The following CEP162 variants were observed in gnomAD, a reference collection of about 807,000 sequenced individuals.
CEP162 encodes centrosomal protein 162, also known as centrosomal protein of 162 kDa.
In CEP162, 141 loss-of-function variants were observed where a neutral mutation model predicts 169.2. That is an observed-to-expected ratio of 0.83 (90% confidence interval 0.73 to 0.96). The LOEUF is 0.96. Ranked by LOEUF, CEP162 falls within the 40% of genes least tolerant of loss-of-function variation. CEP162 has a pLI of 0.00. For missense variants in CEP162, 1,600 were observed against 1,587.2 expected (o/e 1.01, Z -0.14); for synonymous variants, 540 against 526.4 (o/e 1.03, Z -0.35).
chr6:84,133,500 C>T (rs932298398), intron 25 of CEP162, among the ~76,000 whole-genome samples: 6 of 152,144 alleles, frequency 3.9e-5, no homozygotes, highest in East Asian at 3.9e-4. Context: ...CCTTGAGTTG[C>T]GGTGGGCTCC....
chr6:84,189,322 T>A (rs1461846567), intron 11 of CEP162, among the ~76,000 whole-genome samples: 1 of 152,124 alleles, frequency 6.6e-6, no homozygotes, highest in African/African-American at 2.4e-5. Flanking sequence ...CTTTCTGGGC[T>A]GGCCAAGGCC....
At chr6:84,173,965 A>T in intron 16 of CEP162, 83 bp downstream of exon 16, 1 of 1,193,934 alleles carries the variant, frequency 8.4e-7, no homozygotes, top group Non-Finnish European at 1.2e-6. Context: ...GATTACAGGC[A>T]TAAGCCACTG....
In CEP162 at chr6:84,124,989, T is replaced by C. The variant is rs2129181395; in HGVS notation, c.*81A>G. On this transcript the variant is annotated 3_prime_UTR_variant, in exon 27 of 27. Transcript: ENST00000403245. ...TGGAAACATATTGGAACACTTGTTT[T>C]TCATAAGCTGTCCTGACAGTGGCAC... 1 of 1,050,272 alleles carries C rather than the reference T, an allele frequency of 9.5e-7. No individual in the cohort carries two copies. The highest frequency in any genetic ancestry group is 2.5e-5 in the East Asian group (1 of 39,416). The allele number at this position is 1,050,272 out of a possible 1,614,324, so 65.1% of individuals were successfully genotyped here.
In CEP162 at chr6:84,135,633, C is replaced by T. The variant is rs568579223; in HGVS notation, c.3871-9121G>A. 1.1e-4 allele frequency among the ~76,000 whole-genome samples: 17 copies of T among 152,228 alleles called. No homozygotes were observed. In the East Asian group the frequency reaches 1.5e-3, roughly 14 times the overall value. ...ATCCCAGCTCTTTGGGAGGCTGAGACGGGTGAATCACTTGAGGTCAGGGGT... is the reference window on the plus strand; with the variant it reads ...ATCCCAGCTCTTTGGGAGGCTGAGATGGGTGAATCACTTGAGGTCAGGGGT... On this transcript the variant is annotated intron_variant, in intron 25 of 26. Coordinates refer to ENST00000403245, the MANE Select transcript of CEP162 (RefSeq NM_014895.4).
intron 2 of CEP162, among the ~76,000 whole-genome samples, chr6:84,224,949 A>G (rs1208591943): frequency 6.6e-6 from 1 of 152,242 alleles, no homozygotes; most frequent in East Asian, 1.9e-4. Flanking sequence ...AACTTATTCC[A>G]AGTGCCTATT....
chr6:84,165,372 C>T (rs1372266876), intron 18 of CEP162, among the ~76,000 whole-genome samples: 1 of 152,018 alleles, frequency 6.6e-6, no homozygotes, highest in Non-Finnish European at 1.5e-5. Flanking sequence ...CTATACTACT[C>T]TCAGAGGTCA....
In CEP162 at chr6:84,215,386, T is replaced by C. The variant is rs981300283; in HGVS notation, c.399A>G (p.Gln133=). Residue 133 remains glutamine (Q), a synonymous_variant, in exon 5 of 27, where the codon CAA becomes CAG. Coordinates refer to ENST00000403245, the MANE Select transcript of CEP162 (RefSeq NM_014895.4). ...AGCCTTTCTCAAGCCTGGCAAAAAA[T>C]TGTTCTTTCTCCTCTTGTTCTTCTA... ...DTLEEQEEKE[Q]FFARLEKGLT... 11 of 1,609,484 alleles carry C rather than the reference T, an allele frequency of 6.8e-6. No homozygotes were observed. The highest frequency in any genetic ancestry group is 7.6e-6 in the Non-Finnish European group (9 of 1,177,426).
At chr6:84,129,340 C>A (rs1013750439) in intron 25 of CEP162, among the ~76,000 whole-genome samples, 1 of 152,188 alleles carries the variant, frequency 6.6e-6, no homozygotes, top group Non-Finnish European at 1.5e-5. Flanking sequence ...TCTCCGCATC[C>A]TCTCCAGCAT....
chr6:84,182,857 C>G (rs547398937), intron 13 of CEP162, among the ~76,000 whole-genome samples: 1 of 152,102 alleles, frequency 6.6e-6, no homozygotes, highest in Non-Finnish European at 1.5e-5. Flanking sequence ...GGTAGTTGGG[C>G]TTTTTCTTCA....
At position 84,178,678 on chromosome 6, in the gene CEP162, T is replaced by G. The variant is rs150139555; in HGVS notation, c.1664-3331A>C. On this transcript the variant is annotated intron_variant, in intron 13 of 26. Coordinates refer to ENST00000403245, the MANE Select transcript of CEP162 (RefSeq NM_014895.4). Reference sequence around the variant, plus strand: ...ATCTCCTTTTCTTTTTTAAATTTTTTATTTAAGTTCTAGGGTACATGTGCA... The same window carrying G: ...ATCTCCTTTTCTTTTTTAAATTTTTGATTTAAGTTCTAGGGTACATGTGCA... Among the ~76,000 whole-genome samples the G allele has an allele frequency of 8.3e-4, 126 of 152,252 alleles. No individual in the cohort carries two copies. In the East Asian group the frequency reaches 0.022, roughly 26 times the overall value.
rs1482097634 is a variant in CEP162 at position 84,174,925 on chromosome 6, C to T, written c.1827G>A (p.Lys609=). Residue 609 remains lysine (K), a synonymous_variant, in exon 15 of 27, where the codon AAG becomes AAA. Coordinates refer to ENST00000403245, the MANE Select transcript of CEP162 (RefSeq NM_014895.4). Reference sequence around the variant, plus strand: ...TTTTAAACATAAGTAATTTCTTCTCCTTGTTCTCACCACAGTATCCTAAGG... The same window carrying T: ...TTTTAAACATAAGTAATTTCTTCTCTTTGTTCTCACCACAGTATCCTAAGG... ...TDSLGYCGEN[K]EKKLLMFKRV... 1 of 1,590,772 alleles carries T rather than the reference C, an allele frequency of 6.3e-7. No individual in the cohort carries two copies. The highest frequency in any genetic ancestry group is 1.3e-5 in the African/African-American group (1 of 74,410).
chr6:84,178,864 A>G (rs1490450803), intron 13 of CEP162, among the ~76,000 whole-genome samples: 1 of 151,958 alleles, frequency 6.6e-6, no homozygotes, highest in Non-Finnish European at 1.5e-5. Context: ...CCTGTGTCCA[A>G]GTGTTCTCAT....
chr6:84,124,363 A>G lies in CEP162; in HGVS notation c.*707T>C, dbSNP rs563917925. The G allele has an allele frequency of 6.6e-6, 1 of 152,316 alleles. No individual in the cohort carries two copies. The highest frequency in any genetic ancestry group is 1.9e-4 in the East Asian group (1 of 5,186). 9.4% of individuals were successfully genotyped at this position (152,316 alleles called of 1,614,324 possible). ...AAGAAAACGTGAGATATATATAGAG[A>G]GAGATATATAAATGGAGTATTATGC... On this transcript the variant is annotated 3_prime_UTR_variant, in exon 27 of 27. Transcript: ENST00000403245.
chr6:84,154,218 G>A (rs1367033688), intron 22 of CEP162, among the ~76,000 whole-genome samples: 1 of 152,102 alleles, frequency 6.6e-6, no homozygotes, highest in Non-Finnish European at 1.5e-5. Context: ...GTAGCGGGTT[G>A]GAGTTTACAC....
chr6:84,195,562 T>A (rs2099541781), intron 9 of CEP162, among the ~76,000 whole-genome samples: 1 of 152,232 alleles, frequency 6.6e-6, no homozygotes, highest in Admixed American at 6.5e-5. Context: ...AATGACCAAC[T>A]CCATTTGTAT....
At chr6:84,176,474 T>C (rs1170695069) in intron 13 of CEP162, among the ~76,000 whole-genome samples, 1 of 152,176 alleles carries the variant, frequency 6.6e-6, no homozygotes, top group Non-Finnish European at 1.5e-5. Context: ...CACTGGAGGC[T>C]CATTAAATGA....
At chr6:84,187,879 G>A (rs901136274) in intron 11 of CEP162, among the ~76,000 whole-genome samples, 10 of 152,138 alleles carry the variant, frequency 6.6e-5, no homozygotes, top group African/African-American at 2.4e-4. Flanking sequence ...AAACTGATGA[G>A]CTCAACACAG....
intron 9 of CEP162, among the ~76,000 whole-genome samples, chr6:84,199,735 AAATAAG>A (rs767122409): frequency 6.6e-6 from 1 of 152,156 alleles, no homozygotes; most frequent in African/African-American, 2.4e-5. Context: ...TTATGTGATA[AAATAAG>A]AATATTTTTA....
At chr6:84,189,901 C>T (rs1325762786) in intron 11 of CEP162, among the ~76,000 whole-genome samples, 1 of 152,184 alleles carries the variant, frequency 6.6e-6, no homozygotes, top group Non-Finnish European at 1.5e-5. Context: ...AATCAGCACC[C>T]TGTGTTTAGC....
Sources: gnomAD v4.1 joint callset for allele counts (sites outside exome capture counted in the v4.1 genomes callset) on GRCh38, gnomAD v4.1.1 for gene constraint, MANE v1.5 for transcripts, NCBI Gene and HGNC (gene_info 2026-07-23, HGNC 2026-07-21) for gene names.